PRKCA: variants seen among roughly 807,000 people sequenced by gnomAD.
PRKCA encodes protein kinase C alpha, also known as protein kinase C alpha type.
Under a neutral mutation model 87.0 loss-of-function variants are expected in PRKCA, and 27 were observed. The ratio of observed to expected loss-of-function variants is 0.31; its 90% CI spans 0.23 to 0.43. The LOEUF is 0.43. Ranked by LOEUF, PRKCA falls within the 20% of genes least tolerant of loss-of-function variation. The pLI, the probability that PRKCA is intolerant of heterozygous loss-of-function variation, is 1.00. For synonymous variants in PRKCA, 329 were observed against 311.1 expected, an observed-to-expected ratio of 1.06 and a Z score of -0.61; for missense variants, 518 against 852.3, an observed-to-expected ratio of 0.61 and a Z score of 4.88.
At chr17:66,790,530 AT>A (rs914494003) in intron 16 of PRKCA, among the ~76,000 whole-genome samples, 129 of 151,148 alleles carry the variant, frequency 8.5e-4, no homozygotes, top group African/African-American at 2.3e-3. Context: ...GTTAGGGATT[AT>A]TTTTTTTTCC....
At chr17:66,765,003 C>T (rs1027306086) in intron 13 of PRKCA, among the ~76,000 whole-genome samples, 2 of 152,214 alleles carry the variant, frequency 1.3e-5, no homozygotes, top group African/African-American at 4.8e-5. Context: ...CGGTGGAATT[C>T]AGAGGGTCTC....
At chr17:66,658,912 G>A (rs1276288262) in intron 5 of PRKCA, among the ~76,000 whole-genome samples, 1 of 152,170 alleles carries the variant, frequency 6.6e-6, no homozygotes, top group Non-Finnish European at 1.5e-5. Flanking sequence ...TGCCCACCAA[G>A]CAAGACACAG....
intron 2 of PRKCA, among the ~76,000 whole-genome samples, chr17:66,429,945 G>A (rs1913014250): frequency 6.6e-6 from 1 of 152,092 alleles, no homozygotes; most frequent in African/African-American, 2.4e-5. Context: ...GCTTAGGCTT[G>A]TGACCAGCAT....
chr17:66,785,214 G>C (rs886579318), intron 14 of PRKCA, among the ~76,000 whole-genome samples: 1 of 152,104 alleles, frequency 6.6e-6, no homozygotes, highest in African/African-American at 2.4e-5. Context: ...GTCAGGTCTC[G>C]GGTGTTGGAT....
intron 3 of PRKCA, among the ~76,000 whole-genome samples, chr17:66,538,581 C>T (rs1967871127): frequency 1.3e-5 from 2 of 152,166 alleles, no homozygotes; most frequent in Admixed American, 6.5e-5. Flanking sequence ...GAGAAAACCT[C>T]AAGCTTATTT....
chr17:66,613,221 C>CTA (rs1352701703), intron 3 of PRKCA, among the ~76,000 whole-genome samples: 2 of 152,174 alleles, frequency 1.3e-5, no homozygotes, highest in African/African-American at 4.8e-5. Flanking sequence ...TGCCAGAATC[C>CTA]TAGAGCCTGA....
chr17:66,431,337 C>A (rs536243824), intron 2 of PRKCA, among the ~76,000 whole-genome samples: 7 of 152,112 alleles, frequency 4.6e-5, no homozygotes, highest in Non-Finnish European at 8.8e-5. Flanking sequence ...TGCAGCTGTG[C>A]CGGACAATAG....
chr17:66,454,415 T>C (rs908493376), intron 2 of PRKCA, among the ~76,000 whole-genome samples: 1 of 152,206 alleles, frequency 6.6e-6, no homozygotes, highest in African/African-American at 2.4e-5. Flanking sequence ...CATTCTTTTC[T>C]TTTTTAGTAG....
chr17:66,793,083 C>T (rs1455286460), intron 16 of PRKCA, among the ~76,000 whole-genome samples: 1 of 152,232 alleles, frequency 6.6e-6, no homozygotes, highest in Non-Finnish European at 1.5e-5. Context: ...TGGACACAGG[C>T]AGCCAACAAC....
At chr17:66,777,796 T>C (rs1314479421) in intron 14 of PRKCA, 1 of 985,246 alleles carries the variant, frequency 1.0e-6, no homozygotes, top group Non-Finnish European at 1.2e-6. Flanking sequence ...GAGGGCGCTT[T>C]ACAAGAGGTC....
At chr17:66,761,615 C>G (rs1974686986) in intron 13 of PRKCA, among the ~76,000 whole-genome samples, 1 of 151,694 alleles carries the variant, frequency 6.6e-6, no homozygotes, top group Non-Finnish European at 1.5e-5. Flanking sequence ...TACCACCACA[C>G]CCGGCTAATT....
intron 2 of PRKCA, among the ~76,000 whole-genome samples, chr17:66,373,899 C>T (rs890812668): frequency 6.6e-6 from 1 of 152,152 alleles, no homozygotes; most frequent in African/African-American, 2.4e-5. Flanking sequence ...TACTTATCAC[C>T]CCGGGAGCCC....
At chr17:66,570,805 A>G (rs1294191792) in intron 3 of PRKCA, among the ~76,000 whole-genome samples, 1 of 152,226 alleles carries the variant, frequency 6.6e-6, no homozygotes, top group Non-Finnish European at 1.5e-5. Context: ...GATTGGCAGC[A>G]TAATCTGGTG....
intron 3 of PRKCA, among the ~76,000 whole-genome samples, chr17:66,624,561 G>A (rs563660582): frequency 1.3e-5 from 2 of 152,296 alleles, no homozygotes; most frequent in East Asian, 3.9e-4. Context: ...AGCACTTTGG[G>A]AGGCCAAGGT....
chr17:66,662,999 T>G (rs1433617506), intron 5 of PRKCA, among the ~76,000 whole-genome samples: 2 of 152,104 alleles, frequency 1.3e-5, no homozygotes, highest in East Asian at 3.9e-4. Context: ...TTGGGAACAG[T>G]TCTGTAATGG....
chr17:66,593,011 C>G (rs1184855221), intron 3 of PRKCA, among the ~76,000 whole-genome samples: 1 of 152,106 alleles, frequency 6.6e-6, no homozygotes, highest in Non-Finnish European at 1.5e-5. Flanking sequence ...AGGCTGGTCT[C>G]GAACTCCCGA....
At chr17:66,543,063 T>C (rs2143147118) in intron 3 of PRKCA, among the ~76,000 whole-genome samples, 2 of 152,346 alleles carry the variant, frequency 1.3e-5, no homozygotes, top group Middle Eastern at 3.4e-3. Context: ...TGCACTTCCG[T>C]AATTTCTATC....
chr17:66,689,706 G>A lies in PRKCA; in HGVS notation c.918+659G>A, dbSNP rs753593022. Among the ~76,000 whole-genome samples the A allele has an allele frequency of 3.3e-5, 5 of 151,508 alleles. No individual in the cohort carries two copies. The highest frequency in any genetic ancestry group is 5.9e-5 in the Non-Finnish European group (4 of 67,966). On this transcript the variant is annotated intron_variant, in intron 8 of 16. Coordinates refer to ENST00000413366, the MANE Select transcript of PRKCA (RefSeq NM_002737.3). This position sits in a 1 kb window ranked among gnomAD's most constrained non-coding sequence, Gnocchi z 4.1. ...CTCTCCCTTCTCCTCTTCATTTACC[G>A]ACATCTCAGCTTTTAGTAAACGGTT...
In PRKCA at chr17:66,654,949, C is replaced by T. The variant is rs113888494; in HGVS notation, c.529+9438C>T. On this transcript the variant is annotated intron_variant, in intron 5 of 16. Coordinates refer to ENST00000413366, the MANE Select transcript of PRKCA (RefSeq NM_002737.3). Reference sequence around the variant, plus strand: ...ACTGGACCAGCCCTTTCTTGGCATCCGTCTGGCTTTTTCTTAGTGGCCCCA... The same window carrying T: ...ACTGGACCAGCCCTTTCTTGGCATCTGTCTGGCTTTTTCTTAGTGGCCCCA... 1.2e-4 allele frequency among the ~76,000 whole-genome samples: 19 copies of T among 152,276 alleles called. No homozygotes were observed. In the South Asian group the frequency reaches 1.5e-3, roughly 12 times the overall value.
Sources: allele counts gnomAD v4.1 joint callset (sites outside exome capture counted in the v4.1 genomes callset), GRCh38; gene constraint gnomAD v4.1.1; non-coding constraint Gnocchi (gnomAD v3.1); transcripts MANE v1.5; gene names NCBI Gene and HGNC (gene_info 2026-07-23, HGNC 2026-07-21).